ABLIM2: variants seen among roughly 807,000 people sequenced by gnomAD.
The protein encoded by ABLIM2 is actin-binding LIM protein 2.
In ABLIM2, 53 loss-of-function variants were observed where a neutral mutation model predicts 97.7. The observed-to-expected ratio is 0.54, with a 90% CI of 0.44 to 0.68. The LOEUF (loss-of-function observed/expected upper bound fraction) is 0.68. Ranked by LOEUF, ABLIM2 falls within the 30% of genes least tolerant of loss-of-function variation. ABLIM2 has a pLI of 0.00. For synonymous variants in ABLIM2, 361 were observed against 345.8 expected, an observed-to-expected ratio of 1.04 and a Z score of -0.49; for missense variants, 835 against 867.2, an observed-to-expected ratio of 0.96 and a Z score of 0.47.
In ABLIM2 at chr4:8,058,552, GT is replaced by G. The variant is rs1800834240; in HGVS notation, c.763+2414del. Reference sequence around the variant, plus strand: ...AGGGAGCTGTGGCTAAAGAGATGAAGTCACAATAGCAGACCTGTCCTCGCCG... The same window carrying G: ...AGGGAGCTGTGGCTAAAGAGATGAAGCACAATAGCAGACCTGTCCTCGCCG... On this transcript the variant is annotated intron_variant, in intron 7 of 20. Transcript: ENST00000447017. The surrounding 1 kb of genome is among the most constrained non-coding windows in gnomAD (Gnocchi z 4.2). 1.3e-5 allele frequency among the ~76,000 whole-genome samples: 2 copies of G among 152,222 alleles called. No individual in the cohort carries two copies. The highest frequency in any genetic ancestry group is 2.9e-5 in the Non-Finnish European group (2 of 68,042).
intron 9 of ABLIM2, among the ~76,000 whole-genome samples, chr4:8,036,724 G>C (rs1368318169): frequency 6.6e-6 from 1 of 152,180 alleles, no homozygotes; most frequent in Non-Finnish European, 1.5e-5. Flanking sequence ...AAGGCTCTGG[G>C]GTTAAGGAGG....
intron 1 of ABLIM2, among the ~76,000 whole-genome samples, chr4:8,152,178 C>T (rs532213936): frequency 3.3e-5 from 5 of 152,300 alleles, no homozygotes; most frequent in South Asian, 2.1e-4. Context: ...CACTCAGCCA[C>T]GCGTTATGAG....
In ABLIM2 at chr4:8,088,199, T is replaced by G. The variant is rs947707877; in HGVS notation, c.424A>C (p.Ser142Arg). Residue 142 changes from serine (S) to arginine (R), a missense_variant, in exon 4 of 21, where the codon AGC becomes CGC. Coordinates refer to ENST00000447017, the MANE Select transcript of ABLIM2 (RefSeq NM_001130083.2). Reference sequence around the variant, plus strand: ...AGGCCCTGGGACAGGTGCGCGCTGCTGCCCACCGATACGGGCAGGGAACAC... The same window carrying G: ...AGGCCCTGGGACAGGTGCGCGCTGCGGCCCACCGATACGGGCAGGGAACAC... The part of the protein sequence containing the change: ...QKCSLPVSVG[S>R]SAHLSQGLRS... The G allele has an allele frequency of 5.0e-6, 8 of 1,600,338 alleles. No homozygotes were observed. The highest frequency in any genetic ancestry group is 6.8e-6 in the Non-Finnish European group (8 of 1,172,814).
rs1026508788 is a variant in ABLIM2 at position 8,120,009 on chromosome 4, T to C, written c.11-13372A>G. On this transcript the variant is annotated intron_variant, in intron 1 of 20. Transcript: ENST00000447017. This position sits in a 1 kb window ranked among gnomAD's most constrained non-coding sequence, Gnocchi z 5.6. ...TGATTTCCCTATTTTGAGGCAGGGG[T>C]CCATGAGGACAAAGTCACTCTTGGC... 4.6e-5 allele frequency among the ~76,000 whole-genome samples: 7 copies of C among 152,142 alleles called. No individual in the cohort carries two copies. The South Asian group carries it at 1.5e-3, about 32-fold the overall frequency.
rs1053862679 is a variant in ABLIM2 at position 8,033,296 on chromosome 4, C to G, written c.1047+2853G>C. 6.6e-6 allele frequency among the ~76,000 whole-genome samples: 1 copy of G among 152,204 alleles called. No individual in the cohort carries two copies. The highest frequency in any genetic ancestry group is 1.5e-5 in the Non-Finnish European group (1 of 68,038). ...AAGCATTGGGAAAGAGAACGCCGTTCCCACAGCAGAGCGGGGAGGCACTCT... is the reference window on the plus strand; with the variant it reads ...AAGCATTGGGAAAGAGAACGCCGTTGCCACAGCAGAGCGGGGAGGCACTCT... On this transcript the variant is annotated intron_variant, in intron 10 of 20. Coordinates refer to ENST00000447017, the MANE Select transcript of ABLIM2 (RefSeq NM_001130083.2). This position sits in a 1 kb window ranked among gnomAD's most constrained non-coding sequence, Gnocchi z 4.5.
intron 20 of ABLIM2, among the ~76,000 whole-genome samples, chr4:7,975,529 C>T (rs1049171606): frequency 6.6e-6 from 1 of 152,292 alleles, no homozygotes; most frequent in South Asian, 2.1e-4. Flanking sequence ...TTGGCCATGC[C>T]CCATCAGTGA....
chr4:8,123,877 C>T lies in ABLIM2; in HGVS notation c.11-17240G>A, dbSNP rs769686550. Among the ~76,000 whole-genome samples the T allele has an allele frequency of 6.6e-6, 1 of 152,172 alleles. No homozygotes were observed. The highest frequency in any genetic ancestry group is 1.5e-5 in the Non-Finnish European group (1 of 68,030). On this transcript the variant is annotated intron_variant, in intron 1 of 20. Coordinates refer to ENST00000447017, the MANE Select transcript of ABLIM2 (RefSeq NM_001130083.2). The surrounding 1 kb of genome is among the most constrained non-coding windows in gnomAD (Gnocchi z 6.2). ...GAGCCCTGCCTGGGATCCTTGCTAACCTCTGGAGACACGGTTCCTTTGGGT... is the reference window on the plus strand; with the variant it reads ...GAGCCCTGCCTGGGATCCTTGCTAATCTCTGGAGACACGGTTCCTTTGGGT...
rs201096553 is a variant in ABLIM2 at position 8,019,568 on chromosome 4, T to C, written c.1423+50A>G. ...GGATGCATTCAGAAGCAGATGGGTA[T>C]TGACAGGCATGCGGGGCAAACCACA... On this transcript the variant is annotated intron_variant, in intron 14 of 20. Coordinates refer to ENST00000447017, the MANE Select transcript of ABLIM2 (RefSeq NM_001130083.2). This position sits in a 1 kb window ranked among gnomAD's most constrained non-coding sequence, Gnocchi z 4.3. 1.7e-4 allele frequency: 269 copies of C among 1,549,474 alleles called. No individual in the cohort carries two copies. In the African/African-American group the frequency reaches 3.2e-3, roughly 19 times the overall value.
At chr4:8,012,322 TCCATCCACCCAC>T (rs1765535885) in intron 14 of ABLIM2, among the ~76,000 whole-genome samples, 1 of 148,196 alleles carries the variant, frequency 6.7e-6, no homozygotes, top group Non-Finnish European at 1.5e-5. Context: ...CATCCATCCA[TCCATCCACCCAC>T]CCATCCACCC....
chr4:8,033,168 C>A lies in ABLIM2; in HGVS notation c.1047+2981G>T, dbSNP rs1430516981. Among the ~76,000 whole-genome samples, 3 of 152,338 alleles carry A rather than the reference C, an allele frequency of 2.0e-5. No individual in the cohort carries two copies. The highest frequency in any genetic ancestry group is 7.2e-5 in the African/African-American group (3 of 41,578). On this transcript the variant is annotated intron_variant, in intron 10 of 20. Coordinates refer to ENST00000447017, the MANE Select transcript of ABLIM2 (RefSeq NM_001130083.2). The surrounding 1 kb of genome is among the most constrained non-coding windows in gnomAD (Gnocchi z 4.5). ...GGCCCTAGACAGCAGGCTGACCCGT[C>A]TTCCCAGGCTGGCACCCCATCCACC...
At chr4:8,091,170 C>G (rs1827144267) in intron 3 of ABLIM2, among the ~76,000 whole-genome samples, 1 of 147,364 alleles carries the variant, frequency 6.8e-6, no homozygotes, top group African/African-American at 2.5e-5. Context: ...TAGTCGTTCT[C>G]ATGGAGGCGT....
At position 8,002,008 on chromosome 4, in the gene ABLIM2, G is replaced by GC. The variant is rs1449787554; in HGVS notation, c.1618+6050dup. ...ATGGGAGGACACTGACAAAGAGTAG[G>GC]CTGGGGGCCAGGCAGGAGATCACAC... On this transcript the variant is annotated intron_variant, in intron 16 of 20. Coordinates refer to ENST00000447017, the MANE Select transcript of ABLIM2 (RefSeq NM_001130083.2). This position sits in a 1 kb window ranked among gnomAD's most constrained non-coding sequence, Gnocchi z 6.1. 6.6e-6 allele frequency among the ~76,000 whole-genome samples: 1 copy of GC among 152,192 alleles called. No homozygotes were observed. The highest frequency in any genetic ancestry group is 1.5e-5 in the Non-Finnish European group (1 of 68,036).
chr4:8,032,172 C>CT lies in ABLIM2; in HGVS notation c.1048-2397dup. 6.7e-6 allele frequency among the ~76,000 whole-genome samples: 1 copy of CT among 149,508 alleles called. No homozygotes were observed. The highest frequency in any genetic ancestry group is 2.0e-4 in the East Asian group (1 of 5,044). ...AGACTGCAGTCTGATTGGCAGCTCT[C>CT]TATGTCACTGATTAATTTTGAGAAA... On this transcript the variant is annotated intron_variant, in intron 10 of 20. Transcript: ENST00000447017. The surrounding 1 kb of genome is among the most constrained non-coding windows in gnomAD (Gnocchi z 4.3).
chr4:8,009,458 G>A (rs1763477809), intron 14 of ABLIM2, among the ~76,000 whole-genome samples: 1 of 152,170 alleles, frequency 6.6e-6, no homozygotes, highest in African/African-American at 2.4e-5. Context: ...GTGCCATGGT[G>A]TGATCTCGGC....
chr4:7,972,009 T>G (rs1469657626), intron 20 of ABLIM2, among the ~76,000 whole-genome samples: 1 of 152,134 alleles, frequency 6.6e-6, no homozygotes, highest in Non-Finnish European at 1.5e-5. Flanking sequence ...AAGGAGGCCC[T>G]GCATACAGGG....
intron 1 of ABLIM2, among the ~76,000 whole-genome samples, chr4:8,153,862 C>T (rs369977783): frequency 7.7e-4 from 118 of 152,318 alleles, no homozygotes; most frequent in African/African-American, 2.6e-3. Flanking sequence ...TGGGCACCGA[C>T]GGCACTTCCC....
intron 1 of ABLIM2, among the ~76,000 whole-genome samples, chr4:8,117,433 A>G (rs1843258328): frequency 1.3e-5 from 2 of 151,566 alleles, no homozygotes; most frequent in South Asian, 4.2e-4. Context: ...TCCACTCACC[A>G]GACTCCACCC....
chr4:8,095,054 TTCTTTCTC>T lies in ABLIM2; in HGVS notation c.338+2037_338+2044del, dbSNP rs1830813185. ...CTTCTTTCCTTCCTTCCTTCTTTCT[TTCTTTCTC>T]TTTCTTTCTTTCTCTCTCTCTCTCT... On this transcript the variant is annotated intron_variant, in intron 3 of 20. Transcript: ENST00000447017. The surrounding 1 kb of genome is among the most constrained non-coding windows in gnomAD (Gnocchi z 4.7). 7.0e-6 allele frequency among the ~76,000 whole-genome samples: 1 copy of T among 143,182 alleles called. No individual in the cohort carries two copies. The highest frequency in any genetic ancestry group is 1.6e-5 in the Non-Finnish European group (1 of 64,148). 93.9% of individuals were successfully genotyped at this position (143,182 alleles called of 152,430 possible). A position where few individuals can be genotyped will look rare whatever the true frequency, so the allele number is the denominator to read the frequency against.
Position 8,046,810 on chromosome 4 carries a change from G to T in ABLIM2, c.823-1569C>A, listed in dbSNP as rs903289167. 6.6e-6 allele frequency among the ~76,000 whole-genome samples: 1 copy of T among 152,168 alleles called. No individual in the cohort carries two copies. Among genetic ancestry groups the T allele is most frequent in the African/African-American group, 2.4e-5 (1 of 41,420 alleles). On this transcript the variant is annotated intron_variant, in intron 8 of 20. Coordinates refer to ENST00000447017, the MANE Select transcript of ABLIM2 (RefSeq NM_001130083.2). The surrounding 1 kb of genome is among the most constrained non-coding windows in gnomAD (Gnocchi z 4.4). ...TGGGCCCTAATCTGTTATGCCTGGG[G>T]TTTCTACGAGCAGGGATCAGGACAC...
Sources: gnomAD v4.1 joint callset for allele counts (sites outside exome capture counted in the v4.1 genomes callset) on GRCh38, gnomAD v4.1.1 for gene constraint, Gnocchi (gnomAD v3.1) non-coding constraint, MANE v1.5 for transcripts, NCBI Gene and HGNC (gene_info 2026-07-23, HGNC 2026-07-21) for gene names.